ZFAND6: variants seen among roughly 807,000 people sequenced by gnomAD.
The protein encoded by ZFAND6 is AN1-type zinc finger protein 6.
ZFAND6 carries 12 observed loss-of-function variants against 24.5 expected under a neutral mutation model. The observed-to-expected ratio is 0.49, with a 90% confidence interval of 0.31 to 0.79. ZFAND6 has a LOEUF of 0.79. Ranked by LOEUF, ZFAND6 falls within the 30% of genes least tolerant of loss-of-function variation. ZFAND6 has a pLI of 0.04. For synonymous variants in ZFAND6, 92 were observed against 81.5 expected, an observed-to-expected ratio of 1.13 and a Z score of -0.69; for missense variants, 207 against 245.9, an observed-to-expected ratio of 0.84 and a Z score of 1.06.
intron 1 of ZFAND6, among the ~76,000 whole-genome samples, chr15:80,093,206 C>T (rs2038494488): frequency 6.6e-6 from 1 of 151,610 alleles, no homozygotes; most frequent in South Asian, 2.1e-4. Context: ...ACCTCGTGAT[C>T]CGCCTGCCTC....
At chr15:80,067,827 T>A (rs778124381) in intron 1 of ZFAND6, among the ~76,000 whole-genome samples, 4 of 152,232 alleles carry the variant, frequency 2.6e-5, no homozygotes, top group Non-Finnish European at 4.4e-5. Context: ...TGTATTAAGT[T>A]TGAAATAGGA....
chr15:80,074,783 C>T (rs2037172888), intron 1 of ZFAND6, among the ~76,000 whole-genome samples: 1 of 151,920 alleles, frequency 6.6e-6, no homozygotes, highest in Non-Finnish European at 1.5e-5. Flanking sequence ...CTTTTACTAG[C>T]TTGTCTGTTA....
intron 2 of ZFAND6, among the ~76,000 whole-genome samples, chr15:80,104,242 C>T (rs1236290818): frequency 1.3e-5 from 2 of 152,204 alleles, no homozygotes; most frequent in African/African-American, 2.4e-5. Flanking sequence ...TAGCCAGAGG[C>T]TGGGTGGGCG....
At chr15:80,111,167 A>G (rs1012215490) in intron 2 of ZFAND6, among the ~76,000 whole-genome samples, 10 of 152,234 alleles carry the variant, frequency 6.6e-5, no homozygotes, top group Non-Finnish European at 2.9e-5. Flanking sequence ...AAGTGTTACT[A>G]TCATTTATCA....
chr15:80,060,115 C>G (rs1017964322), intron 1 of ZFAND6: 1 of 151,912 alleles, frequency 6.6e-6, no homozygotes, highest in Non-Finnish European at 1.5e-5. Context: ...GGGTCGGGAG[C>G]CTCAGTTCTT....
intron 6 of ZFAND6, among the ~76,000 whole-genome samples, chr15:80,133,600 A>G (rs2040719560): frequency 6.6e-6 from 1 of 152,344 alleles, no homozygotes; most frequent in East Asian, 1.9e-4. Context: ...ACATTAAGAA[A>G]GTTCCCAAAC....
intron 2 of ZFAND6, among the ~76,000 whole-genome samples, chr15:80,105,332 G>T (rs1596273846): frequency 6.6e-6 from 1 of 152,160 alleles, no homozygotes; most frequent in South Asian, 2.1e-4. Flanking sequence ...CCTATTCACA[G>T]ATCTCCTAAC....
chr15:80,116,072 C>T (rs932691181), intron 2 of ZFAND6, among the ~76,000 whole-genome samples: 1 of 150,750 alleles, frequency 6.6e-6, no homozygotes, highest in African/African-American at 2.4e-5. Flanking sequence ...TATTTTTTCC[C>T]TAAGGAGCCT....
intron 5 of ZFAND6, among the ~76,000 whole-genome samples, chr15:80,127,271 A>G (rs887861903): frequency 2.2e-4 from 33 of 152,190 alleles, no homozygotes; most frequent in African/African-American, 7.9e-4. Context: ...AAGATATACA[A>G]GTTTCCAATA....
intron 1 of ZFAND6, among the ~76,000 whole-genome samples, chr15:80,077,345 TTACAAA>T (rs1446935473): frequency 6.6e-6 from 1 of 152,220 alleles, no homozygotes; most frequent in Non-Finnish European, 1.5e-5. Flanking sequence ...ACAACATTAC[TTACAAA>T]TAAAATTGAC....
intron 1 of ZFAND6, among the ~76,000 whole-genome samples, chr15:80,081,968 A>C (rs1221032921): frequency 6.6e-6 from 1 of 152,218 alleles, no homozygotes; most frequent in African/African-American, 2.4e-5. Flanking sequence ...TTTGTTAGAT[A>C]GGTTTGAGAC....
At chr15:80,070,135 A>G (rs989040401) in intron 1 of ZFAND6, among the ~76,000 whole-genome samples, 1 of 152,188 alleles carries the variant, frequency 6.6e-6, no homozygotes, top group East Asian at 1.9e-4. Flanking sequence ...TTCTGTATAT[A>G]TTCTGCCAAA....
chr15:80,070,305 A>G (rs886309536), intron 1 of ZFAND6, among the ~76,000 whole-genome samples: 1 of 152,220 alleles, frequency 6.6e-6, no homozygotes, highest in African/African-American at 2.4e-5. Flanking sequence ...ATAATATACA[A>G]TACATCTTTG....
At chr15:80,069,623 GTTATTTAT>G (rs59745016) in intron 1 of ZFAND6, among the ~76,000 whole-genome samples, 1,980 of 151,374 alleles carry the variant, frequency 0.013, 34 homozygotes, top group African/African-American at 0.045. Flanking sequence ...TTTATTTTTT[GTTATTTAT>G]TTATTTATTT....
intron 2 of ZFAND6, among the ~76,000 whole-genome samples, chr15:80,115,931 T>C (rs1458526115): frequency 1.3e-5 from 2 of 152,200 alleles, no homozygotes; most frequent in Admixed American, 1.3e-4. Flanking sequence ...TTTTACTGTT[T>C]GGTTGCTAGC....
At chr15:80,137,389 C>T (rs1173008124) in intron 6 of ZFAND6, 91 bp from the exon 7 acceptor site, 5 of 1,397,282 alleles carry the variant, frequency 3.6e-6, no homozygotes, top group African/African-American at 3.0e-5. Flanking sequence ...ACATTGCTGC[C>T]CTAAATATAT....
chr15:80,106,449 T>G (rs962549336), intron 2 of ZFAND6, among the ~76,000 whole-genome samples: 3 of 152,206 alleles, frequency 2.0e-5, no homozygotes, highest in African/African-American at 7.2e-5. Context: ...TGAGCAGTTA[T>G]GACAGACTCT....
chr15:80,126,614 A>G (rs1040552531), intron 5 of ZFAND6, among the ~76,000 whole-genome samples: 2 of 152,216 alleles, frequency 1.3e-5, no homozygotes, highest in Admixed American at 6.5e-5. Flanking sequence ...TTGGACTCCT[A>G]TGTCATACCA....
At chr15:80,112,182 C>T (rs892581729) in intron 2 of ZFAND6, among the ~76,000 whole-genome samples, 1 of 152,052 alleles carries the variant, frequency 6.6e-6, no homozygotes, top group Non-Finnish European at 1.5e-5. Flanking sequence ...ATTGCTTGAA[C>T]CTGGGAGGCA....
Sources: allele counts gnomAD v4.1 joint callset (sites outside exome capture counted in the v4.1 genomes callset), GRCh38; gene constraint gnomAD v4.1.1; transcripts MANE v1.5; gene names NCBI Gene and HGNC (gene_info 2026-07-23, HGNC 2026-07-21).